The following IQSEC2 variants were observed in gnomAD, a reference collection of about 807,000 sequenced individuals.
IQSEC2 encodes the protein IQ motif and Sec7 domain ArfGEF 2, also known as IQ motif and SEC7 domain-containing protein 2.
Under a neutral mutation model 74.6 loss-of-function variants are expected in IQSEC2, and 6 were observed. That is an observed-to-expected ratio of 0.08 (90% CI 0.04 to 0.16). IQSEC2 has a LOEUF of 0.16. IQSEC2 is among the 10% of genes least tolerant of loss of function. IQSEC2 has a pLI of 1.00. For synonymous variants in IQSEC2, 494 were observed against 544.5 expected (o/e 0.91, Z 1.29); for missense variants, 734 against 1,306.2 (o/e 0.56, Z 6.75).
At chrX:53,281,979 A>G (rs1556870965) in intron 2 of IQSEC2, among the ~76,000 whole-genome samples, 1 of 112,512 alleles carries the variant, frequency 8.9e-6, no homozygotes, top group Non-Finnish European at 1.9e-5. Context: ...CCTTGTGAGT[A>G]CAGAAACCTT....
At chrX:53,317,506 T>C (rs1351303297) in intron 1 of IQSEC2, among the ~76,000 whole-genome samples, 1 of 111,850 alleles carries the variant, frequency 8.9e-6, no homozygotes, top group Non-Finnish European at 1.9e-5. Flanking sequence ...GGGCTTCACT[T>C]CTCTGATCCC....
intron 2 of IQSEC2, among the ~76,000 whole-genome samples, chrX:53,259,985 G>A (rs1252284800): frequency 8.9e-6 from 1 of 112,027 alleles, no homozygotes; most frequent in Non-Finnish European, 1.9e-5. Context: ...CATTCTCAGG[G>A]AGGTGATGTT....
chrX:53,270,416 G>A (rs1425894141), intron 2 of IQSEC2, among the ~76,000 whole-genome samples: 4 of 110,387 alleles, frequency 3.6e-5, no homozygotes, highest in African/African-American at 9.9e-5. Flanking sequence ...CTCTTGCCTC[G>A]GGGCCTTTAC....
chrX:53,297,005 ATT>A (rs1405956963), intron 1 of IQSEC2, among the ~76,000 whole-genome samples: 1 of 100,183 alleles, frequency 1.0e-5, no homozygotes, highest in Non-Finnish European at 2.0e-5. Flanking sequence ...GGTGGTCTAC[ATT>A]TTTTTTTTTT....
intron 8 of IQSEC2, among the ~76,000 whole-genome samples, chrX:53,245,858 C>CTT (rs368569948): frequency 1.7e-4 from 13 of 75,651 alleles, no homozygotes; most frequent in South Asian, 7.3e-4. Flanking sequence ...CTCAATTGTT[C>CTT]TTTTTTTTTT....
At chrX:53,258,076 CA>C (rs1556865701) in intron 2 of IQSEC2, among the ~76,000 whole-genome samples, 1 of 111,457 alleles carries the variant, frequency 9.0e-6, no homozygotes, top group African/African-American at 3.3e-5. Flanking sequence ...TTTCTACCTC[CA>C]AAACTGCTCA....
At chrX:53,264,451 G>A (rs1602308307) in intron 2 of IQSEC2, among the ~76,000 whole-genome samples, 1 of 16,864 alleles carries the variant, frequency 5.9e-5, no homozygotes, top group Admixed American at 9.0e-4. Context: ...TTGAACCCCC[G>A]TCCCCACCCC....
chrX:53,273,857 G>A lies in IQSEC2; in HGVS notation c.738-17796C>T, dbSNP rs139353782. 8.9e-3 allele frequency among the ~76,000 whole-genome samples: 993 copies of A among 112,158 alleles called. 6 individuals carry two copies. The highest frequency in any genetic ancestry group is 0.019 in the Middle Eastern group (4 of 215). On this transcript the variant is annotated intron_variant, in intron 2 of 14. Transcript: ENST00000642864. Reference sequence around the variant, plus strand: ...CTATTCCCTACTGATAGACATTTAGGTTGTTTTAATTTTTCAGTATCACAA... The same window carrying A: ...CTATTCCCTACTGATAGACATTTAGATTGTTTTAATTTTTCAGTATCACAA...
At chrX:53,256,732 G>A (rs1034213960) in intron 2 of IQSEC2, among the ~76,000 whole-genome samples, 11 of 112,779 alleles carry the variant, frequency 9.8e-5, no homozygotes, top group African/African-American at 3.2e-4. Context: ...CAGCAGGGCA[G>A]GGCGAGCAGC....
rs782443974 is a variant in IQSEC2, at chrX:53,252,817, C to A, written c.1402-1643G>T. 9.7e-4 allele frequency among the ~76,000 whole-genome samples: 109 copies of A among 112,060 alleles called. 1 individual carries two copies. The highest frequency in any genetic ancestry group is 1.6e-3 in the Non-Finnish European group (84 of 53,184). ...TACCAAATTTGGGGGTAATTTGTTA[C>A]ACAGCAACAGATAACAGATATACTT... On this transcript the variant is annotated intron_variant, in intron 4 of 14. Coordinates refer to ENST00000642864, the MANE Select transcript of IQSEC2 (RefSeq NM_001111125.3).
intron 1 of IQSEC2, among the ~76,000 whole-genome samples, chrX:53,295,230 G>A (rs1295702204): frequency 8.9e-6 from 1 of 112,306 alleles, no homozygotes; most frequent in African/African-American, 3.2e-5. Context: ...ACTTGTTGGA[G>A]CTTTGAGGAT....
At chrX:53,320,020 G>A (rs1378245286) in intron 1 of IQSEC2, among the ~76,000 whole-genome samples, 5 of 110,083 alleles carry the variant, frequency 4.5e-5, no homozygotes, top group Non-Finnish European at 9.5e-5. Flanking sequence ...GGGGGTGGGG[G>A]GCTTTCTCTC....
intron 1 of IQSEC2, among the ~76,000 whole-genome samples, chrX:53,306,107 C>T (rs936393314): frequency 2.7e-5 from 3 of 111,180 alleles, no homozygotes. Context: ...AAAGAGTGGG[C>T]GGAAGGGGGA....
At chrX:53,249,496 T>C (rs946710838) in intron 5 of IQSEC2, among the ~76,000 whole-genome samples, 1 of 111,851 alleles carries the variant, frequency 8.9e-6, no homozygotes, top group Non-Finnish European at 1.9e-5. Flanking sequence ...TTCCCAGTTG[T>C]ATGACTTTGG....
In IQSEC2 at chrX:53,247,100, C is replaced by T. The variant is rs370830356; in HGVS notation, c.2618G>A (p.Arg873His). Residue 873 changes from arginine (R) to histidine (H), a missense_variant, in exon 8 of 15, where the codon CGC (arginine) becomes CAC (histidine). Physicochemically the swap from Arg to His is conservative, Grantham distance 29. Coordinates refer to ENST00000642864, the MANE Select transcript of IQSEC2 (RefSeq NM_001111125.3). ...RYCVCNPALV[R>H]QFRNPDTIFI... is the part of the protein sequence containing the mutation. ...GATGGTGTCTGGGTTCCGGAACTGG[C>T]GCACGAGGGCTGGGTTACAGACACA... The T allele has an allele frequency of 5.8e-6, 7 of 1,210,732 alleles. No individual in the cohort carries two copies. The highest frequency in any genetic ancestry group is 7.8e-6 in the Non-Finnish European group (7 of 895,104).
chrX:53,301,319 C>T (rs1340730937), intron 1 of IQSEC2, among the ~76,000 whole-genome samples: 1 of 111,550 alleles, frequency 9.0e-6, no homozygotes, highest in African/African-American at 3.3e-5. Flanking sequence ...GCTCAGGAAG[C>T]CAAAGGAGGA....
intron 9 of IQSEC2, among the ~76,000 whole-genome samples, chrX:53,242,798 C>T (rs782324418): frequency 1.2e-4 from 13 of 111,249 alleles, no homozygotes; most frequent in Admixed American, 7.6e-4. Flanking sequence ...TGCGTTGGCA[C>T]GATCTCAGCT....
chrX:53,239,334 G>T, intron 10 of IQSEC2, 40 bp from the exon 11 acceptor site: 1 of 886,508 alleles, frequency 1.1e-6, no homozygotes, highest in Non-Finnish European at 1.6e-6. Context: ...GCAGCGCTTT[G>T]GGTGGGGGAT....
intron 4 of IQSEC2, among the ~76,000 whole-genome samples, chrX:53,252,556 G>C (rs960244606): frequency 9.0e-6 from 1 of 110,840 alleles, no homozygotes; most frequent in African/African-American, 3.3e-5. Flanking sequence ...AGGCCCACAG[G>C]GTGAGGCATT....
Sources: gnomAD v4.1 joint callset for allele counts (sites outside exome capture counted in the v4.1 genomes callset) on GRCh38, gnomAD v4.1.1 for gene constraint, MANE v1.5 for transcripts, NCBI Gene and HGNC (gene_info 2026-07-23, HGNC 2026-07-21) for gene names.